The following PRICKLE1 variants were observed in gnomAD, a reference collection of about 807,000 sequenced individuals.
PRICKLE1 encodes prickle-like protein 1.
A neutral mutation model predicts 70.2 loss-of-function variants in PRICKLE1; 14 were observed. The ratio of observed to expected loss-of-function variants is 0.20; its 90% CI spans 0.13 to 0.31. The LOEUF is 0.31. Among genes scored for constraint, PRICKLE1 ranks in the 10% least tolerant of loss-of-function variants. The pLI, the probability that PRICKLE1 is intolerant of heterozygous loss-of-function variation, is 1.00. For missense variants in PRICKLE1, 821 were observed against 1,026.2 expected (o/e 0.80, Z 2.73); for synonymous variants, 357 against 379.9 (o/e 0.94, Z 0.70).
chr12:42,559,624 A>ATATTTT (rs370313890), intron 1 of PRICKLE1, among the ~76,000 whole-genome samples: 1 of 81,624 alleles, frequency 1.2e-5, no homozygotes, highest in Non-Finnish European at 2.2e-5. Flanking sequence ...ATATATATAT[A>ATATTTT]TTTTTTTTTT....
At chr12:42,568,306 C>G (rs996946464) in intron 1 of PRICKLE1, among the ~76,000 whole-genome samples, 2 of 152,206 alleles carry the variant, frequency 1.3e-5, no homozygotes, top group Admixed American at 6.5e-5. Flanking sequence ...TCCCAAGTAG[C>G]TGGGACCACA....
Position 42,468,083 on chromosome 12 carries a change from TCTCTCTGTAATA to T in PRICKLE1, c.588+531_588+542del, listed in dbSNP as rs1253618564. On this transcript the variant is annotated intron_variant, in intron 5 of 7. Coordinates refer to ENST00000345127, the MANE Select transcript of PRICKLE1 (RefSeq NM_153026.3). Reference sequence around the variant, plus strand: ...GAAGCTGGGAGAAGGGCATGCAGGATCTCTCTGTAATAGCTTTGCAACTCTTCTGTAAATCTA... The same window carrying T: ...GAAGCTGGGAGAAGGGCATGCAGGATGCTTTGCAACTCTTCTGTAAATCTA... Among the ~76,000 whole-genome samples the T allele has an allele frequency of 2.0e-5, 3 of 152,096 alleles. No homozygotes were observed. The East Asian group carries it at 5.8e-4, about 29-fold the overall frequency.
intron 1 of PRICKLE1, among the ~76,000 whole-genome samples, chr12:42,540,110 T>C (rs1329613178): frequency 6.6e-6 from 1 of 152,224 alleles, no homozygotes; most frequent in Non-Finnish European, 1.5e-5. Context: ...CATTAAAAGA[T>C]GGAAATGTTT....
At chr12:42,548,233 T>C (rs527780391) in intron 1 of PRICKLE1, among the ~76,000 whole-genome samples, 1 of 152,242 alleles carries the variant, frequency 6.6e-6, no homozygotes, top group South Asian at 2.1e-4. Flanking sequence ...AACCAGTTAC[T>C]TGAGGTGTGG....
At chr12:42,526,235 T>C (rs956162671) in intron 1 of PRICKLE1, among the ~76,000 whole-genome samples, 1 of 109,298 alleles carries the variant, frequency 9.1e-6, no homozygotes, top group Non-Finnish European at 2.1e-5. Context: ...GTAACAAAAA[T>C]CTTTTTTCTT....
chr12:42,516,331 A>T (rs1258087345), intron 1 of PRICKLE1, among the ~76,000 whole-genome samples: 2 of 151,974 alleles, frequency 1.3e-5, no homozygotes, highest in African/African-American at 4.8e-5. Context: ...ACGGGGTTCA[A>T]TCATGTTAGC....
chr12:42,471,457 G>T (rs1340703615), intron 2 of PRICKLE1, among the ~76,000 whole-genome samples: 1 of 152,136 alleles, frequency 6.6e-6, no homozygotes, highest in Non-Finnish European at 1.5e-5. Flanking sequence ...TCTCTAAGTA[G>T]TTTGTCAAAA....
rs547914367 is a variant in PRICKLE1, at chr12:42,464,557, T to G, written c.1477A>C (p.Ser493Arg). The G allele has an allele frequency of 6.2e-7, 1 of 1,613,998 alleles. No homozygotes were observed. Among genetic ancestry groups the G allele is most frequent in the African/African-American group, 1.3e-5 (1 of 74,992 alleles). The change falls in exon 7 of 8, where the codon AGC becomes CGC. Residue 493 changes from serine (S) to arginine (R), a missense_variant. Coordinates refer to ENST00000345127, the MANE Select transcript of PRICKLE1 (RefSeq NM_153026.3). This position sits in a 1 kb window ranked among gnomAD's most constrained non-coding sequence, Gnocchi z 4.2. ...SAYGSHPGPASSRRLQELELD... is the reference protein window; with the variant it reads ...SAYGSHPGPARSRRLQELELD... The stretch of plus-strand genomic sequence containing the variant: ...TCCAATTCCTGAAGCCTTCTACTGC[T>G]TGCAGGGCCTGGGTGGCTGCCATAA...
chr12:42,466,174 C>CGGGCT lies in PRICKLE1; in HGVS notation c.775+15_775+19dup. 6.2e-7 allele frequency: 1 copy of CGGGCT among 1,613,780 alleles called. No homozygotes were observed. The highest frequency in any genetic ancestry group is 1.7e-5 in the Admixed American group (1 of 60,022). On this transcript the variant is annotated intron_variant, in intron 6 of 7. Coordinates refer to ENST00000345127, the MANE Select transcript of PRICKLE1 (RefSeq NM_153026.3). Reference sequence around the variant, plus strand: ...ACTAATGGCTAGGTGACAGGGCAGACGGGCTGGCTGTGGACTTACCAATAT... The same window carrying CGGGCT: ...ACTAATGGCTAGGTGACAGGGCAGACGGGCTGGGCTGGCTGTGGACTTACCAATAT...
chr12:42,548,685 G>A (rs1308159266), intron 1 of PRICKLE1, among the ~76,000 whole-genome samples: 1 of 152,186 alleles, frequency 6.6e-6, no homozygotes, highest in Non-Finnish European at 1.5e-5. Context: ...CTTTGAGGTG[G>A]GATTTGGAGA....
Position 42,464,953 on chromosome 12 carries a change from G to A in PRICKLE1, c.1081C>T (p.Pro361Ser), listed in dbSNP as rs1198581280. Reference protein sequence around the residue: ...LLSPALNYKFPGLSGNADDTL... With the variant: ...LLSPALNYKFSGLSGNADDTL... Reference sequence around the variant, plus strand: ...TCATCAGCATTGCCTGAGAGGCCAGGAAACTTGTAGTTCAGAGCAGGCGAT... The same window carrying A: ...TCATCAGCATTGCCTGAGAGGCCAGAAAACTTGTAGTTCAGAGCAGGCGAT... The change falls in exon 7 of 8, where the codon CCT (proline) becomes TCT (serine). Residue 361 changes from proline (P) to serine (S), a missense_variant. Pro to Ser is a moderately conservative substitution (Grantham distance 74). Coordinates refer to ENST00000345127, the MANE Select transcript of PRICKLE1 (RefSeq NM_153026.3). The surrounding 1 kb of genome is among the most constrained non-coding windows in gnomAD (Gnocchi z 4.2). 1 of 1,614,170 alleles carries A rather than the reference G, an allele frequency of 6.2e-7. No individual in the cohort carries two copies. The highest frequency in any genetic ancestry group is 1.1e-5 in the South Asian group (1 of 91,080).
At chr12:42,520,470 T>C (rs1939691633) in intron 1 of PRICKLE1, among the ~76,000 whole-genome samples, 1 of 152,186 alleles carries the variant, frequency 6.6e-6, no homozygotes, top group Admixed American at 6.5e-5. Flanking sequence ...TCCTCAACTA[T>C]GCAATGGAAA....
chr12:42,468,687 T>C lies in PRICKLE1; in HGVS notation c.527A>G (p.Lys176Arg). Residue 176 changes from lysine to arginine, a missense_variant, in exon 5 of 8, where the codon AAA becomes AGA. Coordinates refer to ENST00000345127, the MANE Select transcript of PRICKLE1 (RefSeq NM_153026.3). ...VDLIYFYQDG[K>R]IHCGRHHAEL... ...TGCATGGTGCCTGCCACAGTGAATT[T>C]TTCCATCCTGATAAAAATAGATGAG... 1 of 1,614,150 alleles carries C rather than the reference T, an allele frequency of 6.2e-7. No homozygotes were observed. Among genetic ancestry groups the C allele is most frequent in the Non-Finnish European group, 8.5e-7 (1 of 1,180,022 alleles).
At chr12:42,572,162 G>A (rs1940726441) in intron 1 of PRICKLE1, among the ~76,000 whole-genome samples, 2 of 152,052 alleles carry the variant, frequency 1.3e-5, no homozygotes, top group Admixed American at 1.3e-4. Flanking sequence ...GGCCGGGCGC[G>A]GTGGCTTATG....
intron 1 of PRICKLE1, among the ~76,000 whole-genome samples, chr12:42,543,623 CGCCATTCTCCTCCCTCA>C (rs1940155225): frequency 6.6e-6 from 1 of 152,046 alleles, no homozygotes; most frequent in South Asian, 2.1e-4. Flanking sequence ...CCTGGGTTCA[CGCCATTCTCCTCCCTCA>C]GCCTCCTGAG....
chr12:42,474,425 A>G (rs1938445763), intron 1 of PRICKLE1, among the ~76,000 whole-genome samples: 1 of 152,248 alleles, frequency 6.6e-6, no homozygotes, highest in Non-Finnish European at 1.5e-5. Flanking sequence ...GCAATGCCAC[A>G]CATATATTAT....
Position 42,545,866 on chromosome 12 carries a change from A to AT in PRICKLE1, c.-49+43598_-49+43599insA, listed in dbSNP as rs1387444689. ...CTCCGTCTCAAAAAAGAAAAAAAAAAAATATATATATGGAAGGAAAAATAT... is the reference window on the plus strand; with the variant it reads ...CTCCGTCTCAAAAAAGAAAAAAAAAATAATATATATATGGAAGGAAAAATAT... On this transcript the variant is annotated intron_variant, in intron 1 of 7. Coordinates refer to ENST00000345127, the MANE Select transcript of PRICKLE1 (RefSeq NM_153026.3). Among the ~76,000 whole-genome samples the AT allele has an allele frequency of 3.0e-3, 350 of 116,922 alleles. 1 individual carries two copies. Among genetic ancestry groups the AT allele is most frequent in the Middle Eastern group, 0.019 (4 of 206 alleles). The allele number at this position is 116,922 out of a possible 152,430, so 76.7% of individuals were successfully genotyped here.
At chr12:42,574,037 G>A (rs1388382017) in intron 1 of PRICKLE1, among the ~76,000 whole-genome samples, 1 of 152,152 alleles carries the variant, frequency 6.6e-6, no homozygotes. Context: ...ACCCCACCTG[G>A]CTGGAAGGAG....
intron 1 of PRICKLE1, among the ~76,000 whole-genome samples, chr12:42,567,061 T>C (rs1940632647): frequency 6.6e-6 from 1 of 152,200 alleles, no homozygotes; most frequent in African/African-American, 2.4e-5. Context: ...GGGATCAACA[T>C]ACCTTAACAA....
Sources: allele counts gnomAD v4.1 joint callset (sites outside exome capture counted in the v4.1 genomes callset), GRCh38; gene constraint gnomAD v4.1.1; non-coding constraint Gnocchi (gnomAD v3.1); transcripts MANE v1.5; gene names NCBI Gene and HGNC (gene_info 2026-07-23, HGNC 2026-07-21).